EML4: variants seen among roughly 807,000 people sequenced by gnomAD.
The protein encoded by EML4 is EMAP like 4.
EML4 carries 72 observed loss-of-function variants against 129.0 expected under a neutral mutation model. The ratio of observed to expected loss-of-function variants is 0.56; its 90% confidence interval spans 0.46 to 0.68. The LOEUF (loss-of-function observed/expected upper bound fraction) is 0.68. Among genes scored for constraint, EML4 ranks in the 30% least tolerant of loss-of-function variants. EML4 has a pLI of 0.00. For missense variants in EML4, 1,363 were observed against 1,190.6 expected, an observed-to-expected ratio of 1.14 and a Z score of -2.13; for synonymous variants, 532 against 405.0, an observed-to-expected ratio of 1.31 and a Z score of -3.77.
chr2:42,303,305 TCATTTTCAGGGTCATA>T lies in EML4; in HGVS notation c.1768-7_1776del. On this transcript the variant is annotated splice_acceptor_variant and splice_polypyrimidine_tract_variant and coding_sequence_variant and intron_variant, in exon 16 of 23. Coordinates refer to ENST00000318522, the MANE Select transcript of EML4 (RefSeq NM_019063.5). LOFTEE classifies it high-confidence loss of function. ...TGGTTCTTATAACAATGAGTGTCTT[TCATTTTCAGGGTCATA>T]CAGATGAGCTTTGGGGTCTTGCCAC... is the stretch of plus-strand genomic sequence containing the variant. 6.2e-7 allele frequency: 1 copy of T among 1,614,136 alleles called. No homozygotes were observed. Among genetic ancestry groups the T allele is most frequent in the South Asian group, 1.1e-5 (1 of 91,066 alleles).
At chr2:42,198,562 T>C (rs72978893) in intron 1 of EML4, among the ~76,000 whole-genome samples, 2 of 151,930 alleles carry the variant, frequency 1.3e-5, no homozygotes, top group Admixed American at 6.6e-5. Flanking sequence ...AGAAGAAAAA[T>C]TTTAAAAGGA....
chr2:42,284,725 C>T (rs375043593), intron 9 of EML4, 22 bp downstream of exon 9: 261 of 1,562,018 alleles, frequency 1.7e-4, no homozygotes, highest in Non-Finnish European at 2.2e-4. Flanking sequence ...AGTGTTATGC[C>T]TTCTGTACCT....
At chr2:42,280,102 C>T (rs1308646682) in intron 6 of EML4, among the ~76,000 whole-genome samples, 1 of 152,004 alleles carries the variant, frequency 6.6e-6, no homozygotes, top group East Asian at 1.9e-4. Flanking sequence ...AAAAGTTATG[C>T]CGTTTAACAT....
intron 1 of EML4, among the ~76,000 whole-genome samples, chr2:42,192,565 A>G (rs1410492023): frequency 6.6e-6 from 1 of 152,040 alleles, no homozygotes; most frequent in African/African-American, 2.4e-5. Context: ...AAAAGACCAT[A>G]TTCTGACCAC....
At chr2:42,236,212 T>C (rs1190452134) in intron 1 of EML4, among the ~76,000 whole-genome samples, 4 of 152,280 alleles carry the variant, frequency 2.6e-5, no homozygotes, top group Non-Finnish European at 5.9e-5. Flanking sequence ...ACTTGCTCTT[T>C]ACATTCATCA....
intron 1 of EML4, among the ~76,000 whole-genome samples, chr2:42,223,790 A>C (rs1307070473): frequency 6.6e-6 from 1 of 152,156 alleles, no homozygotes; most frequent in East Asian, 1.9e-4. Context: ...ATAGTCTCTT[A>C]AGAAATGCTG....
intron 3 of EML4, among the ~76,000 whole-genome samples, chr2:42,259,017 C>A (rs1014710186): frequency 6.6e-6 from 1 of 152,104 alleles, no homozygotes; most frequent in African/African-American, 2.4e-5. Context: ...GAGGCTGAGG[C>A]AGGCGAATCA....
chr2:42,246,749 G>C (rs1425815171), intron 2 of EML4, among the ~76,000 whole-genome samples: 1 of 152,202 alleles, frequency 6.6e-6, no homozygotes, highest in Non-Finnish European at 1.5e-5. Context: ...AGGCAGTCCA[G>C]CATAGTTCCA....
chr2:42,293,389 C>A (rs1444866653), intron 11 of EML4, among the ~76,000 whole-genome samples: 3 of 152,178 alleles, frequency 2.0e-5, no homozygotes, highest in African/African-American at 7.2e-5. Context: ...GCATAAGCCA[C>A]AACACCTGGC....
intron 17 of EML4, among the ~76,000 whole-genome samples, chr2:42,305,008 A>G (rs912529503): frequency 5.3e-5 from 8 of 152,162 alleles, no homozygotes; most frequent in African/African-American, 1.9e-4. Flanking sequence ...AATCCCAGCT[A>G]TTCTGGAGGC....
intron 17 of EML4, among the ~76,000 whole-genome samples, chr2:42,312,264 G>GC (rs144694209): frequency 0.12 from 17,387 of 150,308 alleles, 1,022 homozygotes; most frequent in Middle Eastern, 0.23. Context: ...AAAATTCTAA[G>GC]CCCCCCCCCA....
At chr2:42,179,409 T>C (rs1399479277) in intron 1 of EML4, among the ~76,000 whole-genome samples, 1 of 152,118 alleles carries the variant, frequency 6.6e-6, no homozygotes, top group East Asian at 1.9e-4. Context: ...AAGGATATTA[T>C]TGGATCACTT....
chr2:42,217,082 C>G (rs542924219), intron 1 of EML4, among the ~76,000 whole-genome samples: 178 of 152,250 alleles, frequency 1.2e-3, no homozygotes, highest in Non-Finnish European at 1.8e-3. Context: ...TTCTGACAGT[C>G]AATATTCTCA....
At chr2:42,264,786 G>C (rs2104398733) in intron 6 of EML4, 55 bp downstream of exon 6, 1 of 1,429,596 alleles carries the variant, frequency 7.0e-7, no homozygotes, top group African/African-American at 1.4e-5. Flanking sequence ...TTTAATTTTT[G>C]CTAATTGAAA....
At position 42,295,409 on chromosome 2, in the gene EML4, G is replaced by C. The variant is rs2103679865; in HGVS notation, c.1382G>C (p.Cys461Ser). ...GKYEKPKFVQCLAFLGNGDVL... is the reference protein window; with the variant it reads ...GKYEKPKFVQSLAFLGNGDVL... ...TATGAAAAGCCAAAATTTGTGCAGTGTTTAGCATTCTTGGGGAATGGAGAT... is the reference window on the plus strand; with the variant it reads ...TATGAAAAGCCAAAATTTGTGCAGTCTTTAGCATTCTTGGGGAATGGAGAT... Residue 461 changes from cysteine (C) to serine (S), a missense_variant, in exon 13 of 23, where the codon TGT becomes TCT. By Grantham distance (112) the Cys-to-Ser change is moderately radical (BLOSUM62 -1). Coordinates refer to ENST00000318522, the MANE Select transcript of EML4 (RefSeq NM_019063.5). The C allele has an allele frequency of 6.2e-7, 1 of 1,613,980 alleles. No homozygotes were observed. The highest frequency in any genetic ancestry group is 8.5e-7 in the Non-Finnish European group (1 of 1,179,948).
At chr2:42,254,449 C>G (rs925536542) in intron 2 of EML4, among the ~76,000 whole-genome samples, 4 of 146,150 alleles carry the variant, frequency 2.7e-5, no homozygotes, top group African/African-American at 7.8e-5. Context: ...CAGAGCAAGA[C>G]TCTGTCTCAA....
At chr2:42,183,452 T>C (rs939693093) in intron 1 of EML4, among the ~76,000 whole-genome samples, 5 of 152,234 alleles carry the variant, frequency 3.3e-5, no homozygotes, top group Non-Finnish European at 7.3e-5. Flanking sequence ...GATATGGTTA[T>C]GTCAGATTAT....
intron 14 of EML4, 72 bp from the exon 15 acceptor site, chr2:42,303,032 A>G (rs1668379208): frequency 2.0e-6 from 3 of 1,497,772 alleles, no homozygotes. Flanking sequence ...GCTTACAGCT[A>G]TAAATGCAGG....
At chr2:42,307,097 G>A (rs772177288) in intron 17 of EML4, among the ~76,000 whole-genome samples, 2 of 152,206 alleles carry the variant, frequency 1.3e-5, no homozygotes, top group Non-Finnish European at 2.9e-5. Flanking sequence ...GCGATTGTAA[G>A]GCTAGCGGGG....
Sources: allele counts gnomAD v4.1 joint callset (sites outside exome capture counted in the v4.1 genomes callset), GRCh38; gene constraint gnomAD v4.1.1; transcripts MANE v1.5; gene names NCBI Gene and HGNC (gene_info 2026-07-23, HGNC 2026-07-21).